Variants in LPAR1 observed in about 807,000 individuals in gnomAD.
LPAR1 encodes LPA receptor 1.
In LPAR1, 5 loss-of-function variants were observed where a neutral mutation model predicts 23.8. The ratio of observed to expected loss-of-function variants is 0.21; its 90% CI spans 0.11 to 0.44. The LOEUF (loss-of-function observed/expected upper bound fraction) is 0.44, where lower values mean the gene tolerates loss of function less well. Ranked by LOEUF, LPAR1 falls within the 20% of genes least tolerant of loss-of-function variation. The pLI, the probability that LPAR1 is intolerant of heterozygous loss-of-function variation, is 0.99. For synonymous variants in LPAR1, 160 were observed against 164.7 expected, an observed-to-expected ratio of 0.97 and a Z score of 0.22; for missense variants, 311 against 482.8, an observed-to-expected ratio of 0.64 and a Z score of 3.33.
intron 2 of LPAR1, among the ~76,000 whole-genome samples, chr9:111,030,748 T>C (rs1666786171): frequency 6.6e-6 from 1 of 152,216 alleles, no homozygotes; most frequent in African/African-American, 2.4e-5. Context: ...ACATTCATTA[T>C]CACTCTGACA....
rs1491142300 is a variant in LPAR1, at chr9:110,892,864, G to GGCAGGCAC, written c.794-17143_794-17142insGTGCCTGC. The stretch of plus-strand genomic sequence containing the variant: ...AGGCAGGCAGGCAGGCAGGCAGGCA[G>GGCAGGCAC]GCATGCAGGCAGGCAGGCTCAAAAA... On this transcript the variant is annotated intron_variant, in intron 5 of 5. Transcript: ENST00000683809. 2.5e-3 allele frequency among the ~76,000 whole-genome samples: 217 copies of GGCAGGCAC among 87,900 alleles called. 4 individuals are homozygous for GGCAGGCAC. Among genetic ancestry groups the GGCAGGCAC allele is most frequent in the Non-Finnish European group, 4.4e-3 (174 of 39,258 alleles). The allele number at this position is 87,900 out of a possible 152,430, so 57.7% of individuals were successfully genotyped here. A position where few individuals can be genotyped will look rare whatever the true frequency, so the allele number is the denominator to read the frequency against.
At position 111,038,441 on chromosome 9, in the gene LPAR1, G is replaced by A; in HGVS notation, c.-536C>T. The A allele has an allele frequency of 6.1e-6, 2 of 328,382 alleles. No individual in the cohort carries two copies. The highest frequency in any genetic ancestry group is 4.3e-5 in the South Asian group (2 of 46,604). 20.3% of individuals were successfully genotyped at this position (328,382 alleles called of 1,614,324 possible). A position where few individuals can be genotyped will look rare whatever the true frequency, so the allele number is the denominator to read the frequency against. On this transcript the variant is annotated 5_prime_UTR_variant, in exon 1 of 6. Coordinates refer to ENST00000683809, the MANE Select transcript of LPAR1 (RefSeq NM_001351411.2). The surrounding 1 kb of genome is among the most constrained non-coding windows in gnomAD (Gnocchi z 4.4). ...GGGCTGGAGACGGAGTCGCCACTCAGGGAGCGTCAGCCGCCAGTCGGCCCC... is the reference window on the plus strand; with the variant it reads ...GGGCTGGAGACGGAGTCGCCACTCAAGGAGCGTCAGCCGCCAGTCGGCCCC...
rs781382412 is a variant in LPAR1, at chr9:110,941,712, T to C, written c.502A>G (p.Ile168Val). The C allele has an allele frequency of 6.2e-7, 1 of 1,614,154 alleles. No individual in the cohort carries two copies. The highest frequency in any genetic ancestry group is 1.1e-5 in the South Asian group (1 of 91,078). The change falls in exon 5 of 6, where the codon ATT becomes GTT. Residue 168 changes from isoleucine to valine, a missense_variant. Around this residue, in one of 2 missense-constraint regions of LPAR1, gnomAD observed 250 missense variants for 427.2 expected, o/e 0.59. Coordinates refer to ENST00000683809, the MANE Select transcript of LPAR1 (RefSeq NM_001351411.2). The surrounding 1 kb of genome is among the most constrained non-coding windows in gnomAD (Gnocchi z 6.1). ...RMSNRRVVVV[I>V]VVIWTMAIVM... The stretch of plus-strand genomic sequence containing the variant: ...ATGGCCATAGTCCAGATGACCACAA[T>C]GACCACCACTACCCGCCGGTTGCTC...
At chr9:110,994,615 C>T (rs1421937876) in intron 2 of LPAR1, among the ~76,000 whole-genome samples, 1 of 152,078 alleles carries the variant, frequency 6.6e-6, no homozygotes, top group Non-Finnish European at 1.5e-5. Context: ...ACTGTACTTG[C>T]AACTTTTCTA....
chr9:110,974,108 G>A (rs531879467), intron 2 of LPAR1, among the ~76,000 whole-genome samples: 16 of 151,808 alleles, frequency 1.1e-4, no homozygotes, highest in East Asian at 1.9e-4. Context: ...GCAGTGAGCC[G>A]AGATCGTGCC....
At chr9:110,914,489 T>C (rs1196588343) in intron 5 of LPAR1, among the ~76,000 whole-genome samples, 1 of 152,134 alleles carries the variant, frequency 6.6e-6, no homozygotes, top group Non-Finnish European at 1.5e-5. Flanking sequence ...ATGATTCAAT[T>C]AACTCCCACC....
intron 4 of LPAR1, among the ~76,000 whole-genome samples, chr9:110,952,598 A>C (rs2095603685): frequency 6.6e-6 from 1 of 151,972 alleles, no homozygotes; most frequent in Non-Finnish European, 1.5e-5. Context: ...GCTACAACAC[A>C]CTTAAAAGTG....
At chr9:110,988,775 ACTC>A (rs1307349516) in intron 2 of LPAR1, among the ~76,000 whole-genome samples, 1 of 152,086 alleles carries the variant, frequency 6.6e-6, no homozygotes. Context: ...CAGCAATTCC[ACTC>A]CTAAGTATAT....
intron 2 of LPAR1, among the ~76,000 whole-genome samples, chr9:110,987,983 A>G (rs1379315346): frequency 6.6e-6 from 1 of 152,084 alleles, no homozygotes; most frequent in Non-Finnish European, 1.5e-5. Context: ...TTACTGGATT[A>G]AAGAAAAAAA....
intron 2 of LPAR1, among the ~76,000 whole-genome samples, chr9:111,023,053 C>CAAAAAAA (rs35394780): frequency 1.8e-5 from 1 of 56,718 alleles, no homozygotes; most frequent in Non-Finnish European, 3.2e-5. Flanking sequence ...TCCGTCTCAA[C>CAAAAAAA]AAAAAAAAAA....
chr9:110,921,691 G>C (rs2093638882), intron 5 of LPAR1, among the ~76,000 whole-genome samples: 1 of 152,214 alleles, frequency 6.6e-6, no homozygotes, highest in African/African-American at 2.4e-5. Flanking sequence ...GGAGCGATGA[G>C]ATGTGGTCTC....
chr9:111,003,544 C>A (rs531857017), intron 2 of LPAR1, among the ~76,000 whole-genome samples: 1 of 152,110 alleles, frequency 6.6e-6, no homozygotes, highest in East Asian at 1.9e-4. Context: ...CTGAGGATGC[C>A]CTAAAGAGTT....
chr9:110,956,364 G>C (rs1485537167), intron 4 of LPAR1, among the ~76,000 whole-genome samples: 2 of 151,134 alleles, frequency 1.3e-5, no homozygotes, highest in Non-Finnish European at 3.0e-5. Flanking sequence ...TTCTGCACAT[G>C]TACCCCAGAA....
intron 2 of LPAR1, among the ~76,000 whole-genome samples, chr9:110,980,974 T>C (rs1052639536): frequency 6.6e-6 from 1 of 152,144 alleles, no homozygotes; most frequent in Non-Finnish European, 1.5e-5. Flanking sequence ...AAGCATCATT[T>C]AATTTCTTCT....
At chr9:110,949,772 T>C (rs1312991452) in intron 4 of LPAR1, among the ~76,000 whole-genome samples, 1 of 152,224 alleles carries the variant, frequency 6.6e-6, no homozygotes, top group Admixed American at 6.5e-5. Flanking sequence ...ATCTTCAAGA[T>C]ACACACAAAC....
chr9:111,016,973 T>C (rs2097460517), intron 2 of LPAR1, among the ~76,000 whole-genome samples: 1 of 152,196 alleles, frequency 6.6e-6, no homozygotes. Flanking sequence ...TACATTAAAG[T>C]ACCTAACGTT....
chr9:110,993,661 G>A (rs2096939760), intron 2 of LPAR1, among the ~76,000 whole-genome samples: 1 of 152,192 alleles, frequency 6.6e-6, no homozygotes, highest in South Asian at 2.1e-4. Flanking sequence ...GTTGCACAGT[G>A]AGAAGCCTGG....
chr9:110,879,922 T>C (rs1458603761), intron 5 of LPAR1, among the ~76,000 whole-genome samples: 2 of 152,176 alleles, frequency 1.3e-5, no homozygotes, highest in Non-Finnish European at 2.9e-5. Context: ...AGAAAATGTT[T>C]ACTGGTGTTT....
At chr9:110,975,249 G>A (rs1320332709) in intron 2 of LPAR1, among the ~76,000 whole-genome samples, 2 of 152,158 alleles carry the variant, frequency 1.3e-5, no homozygotes, top group Admixed American at 1.3e-4. Flanking sequence ...CTAGCTTAGA[G>A]TAAGGAAAGC....
Sources: gnomAD v4.1 joint callset for allele counts (sites outside exome capture counted in the v4.1 genomes callset) on GRCh38, gnomAD v4.1.1 for gene constraint, gnomAD v4.1.1 regional missense constraint, Gnocchi (gnomAD v3.1) non-coding constraint, MANE v1.5 for transcripts, NCBI Gene and HGNC (gene_info 2026-07-23, HGNC 2026-07-21) for gene names.